EMC3: variants seen among roughly 807,000 people sequenced by gnomAD.
EMC3 encodes the protein 30 kDa protein.
A neutral mutation model predicts 36.6 loss-of-function variants in EMC3; 13 were observed. That is an observed-to-expected ratio of 0.35 (90% confidence interval 0.23 to 0.56). The LOEUF is 0.56. Ranked by LOEUF, EMC3 falls within the 20% of genes least tolerant of loss-of-function variation. The pLI is 0.84. For missense variants in EMC3, 220 were observed against 324.5 expected (o/e 0.68, Z 2.47); for synonymous variants, 120 against 111.9 (o/e 1.07, Z -0.46).
intron 1 of EMC3, chr3:10,004,852 T>A (rs1053190837): frequency 6.6e-6 from 1 of 152,166 alleles, no homozygotes; most frequent in Non-Finnish European, 1.5e-5. Context: ...GAGCCTGGGG[T>A]ATTGTCACCG....
At chr3:9,992,885 G>A in intron 1 of EMC3, 2 of 1,531,574 alleles carry the variant, frequency 1.3e-6, no homozygotes, top group Non-Finnish European at 1.8e-6. Flanking sequence ...ACCTGGTGAT[G>A]CTTTTCATCA....
At position 9,986,545 on chromosome 3, in the gene EMC3, C is replaced by G; in HGVS notation, c.117G>C (p.Gln39His). 6.2e-7 allele frequency: 1 copy of G among 1,614,224 alleles called. No individual in the cohort carries two copies. The highest frequency in any genetic ancestry group is 8.5e-7 in the Non-Finnish European group (1 of 1,180,040). The change falls in exon 1 of 8, where the codon CAG (glutamine) becomes CAC (histidine). Residue 39 changes from glutamine (Q) to histidine (H), a missense_variant. Around this residue, in one of 3 missense-constraint regions of EMC3, gnomAD observed 127 missense variants for 174.6 expected, o/e 0.73. Coordinates refer to ENST00000245046, the MANE Select transcript of EMC3 (RefSeq NM_001394674.1). ...GTTCCTGGGTGAGCTTCTTGTCGCT[C>G]TGCAGCAGGATGGACACGTAGTGGC... ...MIRHYVSILL[Q>H]SDKKLTQEQV...
At chr3:9,975,656 C>G (rs958281387) in intron 3 of EMC3, among the ~76,000 whole-genome samples, 1 of 151,740 alleles carries the variant, frequency 6.6e-6, no homozygotes, top group Non-Finnish European at 1.5e-5. Context: ...ATTAAAAATA[C>G]AAAAAATTAG....
chr3:9,976,778 A>G (rs1351697823), intron 3 of EMC3, among the ~76,000 whole-genome samples, 179 bp downstream of exon 3: 1 of 152,136 alleles, frequency 6.6e-6, no homozygotes, highest in Non-Finnish European at 1.5e-5. Context: ...AGAAAATCTA[A>G]CTGAAAAAGA....
At chr3:9,967,672 T>G (rs1220882517) in intron 7 of EMC3, among the ~76,000 whole-genome samples, 1 of 152,230 alleles carries the variant, frequency 6.6e-6, no homozygotes. Flanking sequence ...TTTGCCAACA[T>G]TTTTGCCTAT....
At chr3:9,974,610 G>A in intron 3 of EMC3, 122 bp from the exon 4 acceptor site, 2 of 613,298 alleles carry the variant, frequency 3.3e-6, no homozygotes, top group Non-Finnish European at 5.8e-6. Flanking sequence ...CCAGGCTGGA[G>A]TGCAGTGGTG....
chr3:10,008,575 T>G lies in EMC3; in HGVS notation c.-242+2448A>C, dbSNP rs2086289581. The G allele has an allele frequency of 3.5e-5, 26 of 732,590 alleles. No homozygotes were observed. The South Asian group carries it at 3.6e-4, about 10-fold the overall frequency. 45.4% of individuals were successfully genotyped at this position (732,590 alleles called of 1,614,324 possible). On this transcript the variant is annotated intron_variant, in intron 1 of 8. Coordinates refer to the EMC3 transcript ENST00000470827. ...CAGCCCAGAGAGCAGGGTCAGATAG[T>G]GGGGGGTGGGTTCAGCTCCACTGTC...
intron 1 of EMC3, chr3:10,007,202 T>G: frequency 1.2e-6 from 1 of 832,728 alleles, no homozygotes; most frequent in Non-Finnish European, 1.6e-6. Flanking sequence ...AAATCATTAG[T>G]AGTGGCTCTG....
intron 3 of EMC3, among the ~76,000 whole-genome samples, chr3:9,975,818 A>AG (rs2085843184): frequency 1.1e-5 from 1 of 92,790 alleles, no homozygotes; most frequent in Non-Finnish European, 2.2e-5. Flanking sequence ...TTCTGAAGAA[A>AG]AAAAAAAAAA....
At chr3:9,989,476 G>T (rs536208904), upstream of EMC3, among the ~76,000 whole-genome samples, 1 of 152,304 alleles carries the variant, frequency 6.6e-6, no homozygotes, top group South Asian at 2.1e-4. Flanking sequence ...CATCTCAAAA[G>T]ATAAAAAGCC....
chr3:9,964,211 G>GAACA lies in EMC3; in HGVS notation c.658-18_658-15dup. 6.2e-7 allele frequency: 1 copy of GAACA among 1,613,184 alleles called. No homozygotes were observed. The highest frequency in any genetic ancestry group is 8.5e-7 in the Non-Finnish European group (1 of 1,179,628). On this transcript the variant is annotated splice_polypyrimidine_tract_variant and intron_variant, in intron 7 of 7. Coordinates refer to ENST00000245046, the MANE Select transcript of EMC3 (RefSeq NM_001394674.1). ...TTCCCACTCTGTCTGTAATGGAAGA[G>GAACA]AACACCCAGGCAGGAAGAGAGGGAA...
At position 9,964,046 on chromosome 3, in the gene EMC3, C is replaced by A; in HGVS notation, c.*23G>T. 1 of 1,612,298 alleles carries A rather than the reference C, an allele frequency of 6.2e-7. No homozygotes were observed. Reference sequence around the variant, plus strand: ...GTTAAGTGCAACTCCAAGTTCCTGACACAGCTAATCCCTGCTCGGTCTTCA... The same window carrying A: ...GTTAAGTGCAACTCCAAGTTCCTGAAACAGCTAATCCCTGCTCGGTCTTCA... On this transcript the variant is annotated 3_prime_UTR_variant, in exon 8 of 8. Transcript: ENST00000245046.
intron 4 of EMC3, 95 bp downstream of exon 4, chr3:9,974,289 G>A: frequency 3.5e-6 from 3 of 853,654 alleles, no homozygotes; most frequent in Non-Finnish European, 5.7e-6. Context: ...ACTATTATCA[G>A]TTTACAAAAG....
intron 1 of EMC3, among the ~76,000 whole-genome samples, chr3:9,985,831 C>A (rs2085965103): frequency 6.6e-6 from 1 of 152,140 alleles, no homozygotes; most frequent in South Asian, 2.1e-4. Flanking sequence ...GAGGCGTAGA[C>A]TGCAGTGAGC....
chr3:9,997,050 A>G (rs977935854), intron 1 of EMC3, among the ~76,000 whole-genome samples: 1 of 152,052 alleles, frequency 6.6e-6, no homozygotes, highest in African/African-American at 2.4e-5. Flanking sequence ...TGATCATCCC[A>G]AACAAACTTT....
In EMC3 at chr3:9,964,127, G is replaced by C. The variant is rs766486755; in HGVS notation, c.728C>G (p.Ala243Gly). 6.2e-7 allele frequency: 1 copy of C among 1,614,120 alleles called. No homozygotes were observed. Among genetic ancestry groups the C allele is most frequent in the Admixed American group, 1.7e-5 (1 of 60,006 alleles). ...CATGCCTTCGAAGTGGAGGTCTTTG[G>C]CCATGAGCTCTTCTTCGACATCATC... Reference protein sequence around the residue: ...ALDDVEEELMAKDLHFEGMFK... With the variant: ...ALDDVEEELMGKDLHFEGMFK... Residue 243 changes from alanine (A) to glycine (G), a missense_variant, in exon 8 of 8, where the codon GCC becomes GGC. Transcript: ENST00000245046.
intron 1 of EMC3, among the ~76,000 whole-genome samples, chr3:9,992,498 C>A (rs1209958343): frequency 1.3e-5 from 2 of 152,126 alleles, no homozygotes; most frequent in Non-Finnish European, 2.9e-5. Flanking sequence ...TGAACCCTTT[C>A]CAGATTGATG....
At chr3:9,985,302 T>C (rs943414102) in intron 1 of EMC3, among the ~76,000 whole-genome samples, 30 of 152,254 alleles carry the variant, frequency 2.0e-4, no homozygotes, top group African/African-American at 6.8e-4. Context: ...CTGTTACCTG[T>C]GAAAAGTTCT....
intron 1 of EMC3, chr3:10,004,331 C>G (rs1352970168): frequency 6.6e-6 from 1 of 152,200 alleles, no homozygotes; most frequent in Non-Finnish European, 1.5e-5. Flanking sequence ...CCTGGACCAC[C>G]TGAATCCCAA....
Sources: gnomAD v4.1 joint callset for allele counts (sites outside exome capture counted in the v4.1 genomes callset) on GRCh38, gnomAD v4.1.1 for gene constraint, gnomAD v4.1.1 regional missense constraint, MANE v1.5 for transcripts, NCBI Gene and HGNC (gene_info 2026-07-23, HGNC 2026-07-21) for gene names.